The following LRIF1 variants were observed in gnomAD, a reference collection of about 807,000 sequenced individuals.
The protein encoded by LRIF1 is ligand dependent nuclear receptor interacting factor 1, also known as ligand-dependent nuclear receptor-interacting factor 1.
In LRIF1, 32 loss-of-function variants were observed where a neutral mutation model predicts 52.7. The ratio of observed to expected loss-of-function variants is 0.61; its 90% CI spans 0.46 to 0.82. LRIF1 has a LOEUF of 0.82. LRIF1 is among the 40% of genes least tolerant of loss of function. LRIF1 has a pLI of 0.00. For synonymous variants in LRIF1, 323 were observed against 317.4 expected, an observed-to-expected ratio of 1.02 and a Z score of -0.19; for missense variants, 887 against 892.0, an observed-to-expected ratio of 0.99 and a Z score of 0.07.
chr1:110,876,191 C>T, the LRIF1 span, among the ~76,000 whole-genome samples: 1 of 152,198 alleles, frequency 6.6e-6, no homozygotes, highest in Non-Finnish European at 1.5e-5. Flanking sequence ...GTCCAATCTG[C>T]TTACTTTTCA....
the LRIF1 span, chr1:110,941,354 C>T: frequency 6.6e-6 from 1 of 152,002 alleles, no homozygotes; most frequent in Non-Finnish European, 1.5e-5. Context: ...TCCAACATTA[C>T]AGGGTGTATT....
the LRIF1 span, among the ~76,000 whole-genome samples, chr1:110,900,558 G>T: frequency 6.6e-6 from 1 of 151,868 alleles, no homozygotes; most frequent in Admixed American, 6.6e-5. Flanking sequence ...GTAGAGATGG[G>T]GTTTCACCAT....
chr1:110,931,614 G>A, the LRIF1 span, among the ~76,000 whole-genome samples: 2 of 152,160 alleles, frequency 1.3e-5, no homozygotes, highest in South Asian at 2.1e-4. Flanking sequence ...GTGTAAAAGT[G>A]TTCCTATTTC....
At chr1:110,892,619 T>C in the LRIF1 span, 4 of 1,086,894 alleles carry the variant, frequency 3.7e-6, no homozygotes, top group South Asian at 4.4e-5. Context: ...AGATCACTTA[T>C]AGGCACAGAA....
At position 110,951,486 on chromosome 1, in the gene LRIF1, T is replaced by C; in HGVS notation, c.1398A>G (p.Leu466=). 1.2e-6 allele frequency: 2 copies of C among 1,614,198 alleles called. No homozygotes were observed. Among genetic ancestry groups the C allele is most frequent in the Non-Finnish European group, 1.7e-6 (2 of 1,180,018 alleles). ...NPHMNQSSNY[L]KQSKTLFTNP... ...TTGTGAATAAAGTCTTACTCTGTTT[T>C]AAGTAGTTACTGGATTGGTTCATAT... The change falls in exon 2 of 4, where the codon TTA becomes TTG. Residue 466 remains leucine (L), a synonymous_variant. Transcript: ENST00000369763.
At chr1:110,919,372 C>A in the LRIF1 span, among the ~76,000 whole-genome samples, 2 of 152,178 alleles carry the variant, frequency 1.3e-5, no homozygotes, top group South Asian at 2.1e-4. Flanking sequence ...AGTCTTCCAG[C>A]CTGCATCTTT....
In LRIF1 at chr1:110,950,579, T is replaced by C. The variant is rs3790718; in HGVS notation, c.1597-456A>G. ...TGACATTATTGAGTAGACCTCTAAGTAAGCAAGGAAAAGATGGGTACAAAT... is the reference window on the plus strand; with the variant it reads ...TGACATTATTGAGTAGACCTCTAAGCAAGCAAGGAAAAGATGGGTACAAAT... On this transcript the variant is annotated intron_variant, in intron 2 of 3. Transcript: ENST00000369763. Among the ~76,000 whole-genome samples the C allele has an allele frequency of 6.2e-4, 95 of 152,124 alleles. 1 individual carries two copies. The highest frequency in any genetic ancestry group is 3.4e-3 in the Middle Eastern group (1 of 294).
intron 1 of LRIF1, among the ~76,000 whole-genome samples, chr1:110,956,421 G>C (rs537119813): frequency 6.6e-6 from 1 of 152,278 alleles, no homozygotes; most frequent in South Asian, 2.1e-4. Flanking sequence ...AAATGAAACA[G>C]AGTCTAAACT....
At chr1:110,934,560 C>T in the LRIF1 span, among the ~76,000 whole-genome samples, 2 of 152,232 alleles carry the variant, frequency 1.3e-5, no homozygotes, top group Non-Finnish European at 2.9e-5. Flanking sequence ...TCCAGCAGTA[C>T]TCTCCATGGC....
the LRIF1 span, among the ~76,000 whole-genome samples, chr1:110,893,314 GT>G: frequency 2.0e-5 from 3 of 151,902 alleles, no homozygotes; most frequent in African/African-American, 4.8e-5. Flanking sequence ...TTTTTGTTTT[GT>G]TTTTTTCTTC....
downstream of LRIF1, among the ~76,000 whole-genome samples, chr1:110,943,042 A>G (rs1055403275): frequency 6.6e-6 from 1 of 152,166 alleles, no homozygotes; most frequent in Admixed American, 6.6e-5. Flanking sequence ...GACTAAGAAG[A>G]AGCAGTCAAC....
chr1:110,956,537 T>G (rs1254366159), intron 1 of LRIF1, among the ~76,000 whole-genome samples: 7 of 152,204 alleles, frequency 4.6e-5, no homozygotes, highest in Non-Finnish European at 1.0e-4. Flanking sequence ...TAGGAACAGT[T>G]AAACAACTCA....
At chr1:110,894,420 A>G in the LRIF1 span, 1 of 1,589,516 alleles carries the variant, frequency 6.3e-7, no homozygotes, top group African/African-American at 1.3e-5. Context: ...TAAAGACAAC[A>G]ACTTATTGTC....
At chr1:110,930,722 G>A in the LRIF1 span, among the ~76,000 whole-genome samples, 6 of 152,062 alleles carry the variant, frequency 3.9e-5, no homozygotes, top group Non-Finnish European at 8.8e-5. Context: ...CATAACAGAA[G>A]GCTTTGTATT....
At chr1:110,956,305 A>C (rs1658699396) in intron 1 of LRIF1, among the ~76,000 whole-genome samples, 1 of 152,198 alleles carries the variant, frequency 6.6e-6, no homozygotes, top group South Asian at 2.1e-4. Flanking sequence ...AGCACAGATA[A>C]AGAGAAAGCA....
At chr1:110,953,431 G>A (rs540897832) in intron 1 of LRIF1, among the ~76,000 whole-genome samples, 4 of 152,250 alleles carry the variant, frequency 2.6e-5, no homozygotes, top group African/African-American at 9.6e-5. Flanking sequence ...GTGCTACATA[G>A]TCTCTGGTAT....
the LRIF1 span, among the ~76,000 whole-genome samples, chr1:110,933,380 GGTGAGCACTCA>G: frequency 6.6e-6 from 1 of 152,096 alleles, no homozygotes; most frequent in African/African-American, 2.4e-5. Context: ...CCAAAAATCA[GGTGAGCACTCA>G]GTACCTGGTT....
the LRIF1 span, among the ~76,000 whole-genome samples, chr1:110,931,850 A>T: frequency 6.6e-6 from 1 of 151,860 alleles, no homozygotes; most frequent in Non-Finnish European, 1.5e-5. Flanking sequence ...TTTTCTTGGA[A>T]ATTTGTTTAA....
At chr1:110,911,176 A>AC in the LRIF1 span, among the ~76,000 whole-genome samples, 1 of 150,948 alleles carries the variant, frequency 6.6e-6, no homozygotes, top group African/African-American at 2.4e-5. Flanking sequence ...GCTACCCTCA[A>AC]CCCCCCAGGG....
Sources: gnomAD v4.1 joint callset for allele counts (sites outside exome capture counted in the v4.1 genomes callset) on GRCh38, gnomAD v4.1.1 for gene constraint, MANE v1.5 for transcripts, NCBI Gene and HGNC (gene_info 2026-07-23, HGNC 2026-07-21) for gene names.